Variants in TMCO4 observed in about 807,000 individuals in gnomAD.
TMCO4 encodes the protein transmembrane and coiled-coil domain-containing protein 4.
Under a neutral mutation model 64.7 loss-of-function variants are expected in TMCO4, and 58 were observed. The observed-to-expected ratio is 0.90, with a 90% CI of 0.73 to 1.12. The LOEUF (loss-of-function observed/expected upper bound fraction) is 1.12. TMCO4 is among the 50% of genes most tolerant of loss of function. The pLI is 0.00. For synonymous variants in TMCO4, 325 were observed against 346.1 expected (o/e 0.94, Z 0.68); for missense variants, 780 against 825.9 (o/e 0.94, Z 0.68).
Position 19,683,171 on chromosome 1 carries a change from C to T in TMCO4, c.1774G>A (p.Glu592Lys). Residue 592 changes from glutamate to lysine, a missense_variant, in exon 16 of 16, where the codon GAA becomes AAA. Glu to Lys is a moderately conservative substitution (Grantham distance 56). Coordinates refer to ENST00000294543, the MANE Select transcript of TMCO4 (RefSeq NM_181719.7). ...GCAGCAGCAGGAAGGGAGGCCCCTTCAGACTGGTCCAGCCCTACTGGCACC... is the reference window on the plus strand; with the variant it reads ...GCAGCAGCAGGAAGGGAGGCCCCTTTAGACTGGTCCAGCCCTACTGGCACC... ...AQVPVGLDQSEGASLPAAASP... is the reference protein window; with the variant it reads ...AQVPVGLDQSKGASLPAAASP... The T allele has an allele frequency of 1.2e-6, 2 of 1,614,230 alleles. No homozygotes were observed. Among genetic ancestry groups the T allele is most frequent in the Middle Eastern group, 1.6e-4 (1 of 6,062 alleles).
rs201255723 is a variant in TMCO4 at position 19,746,508 on chromosome 1, G to A, written c.705C>T (p.Ala235=). ...ACAGCGAGGTCATGATGGCTATGCCGGCTGCTGAGCCCAGAGCCGCTGCCC... is the reference window on the plus strand; with the variant it reads ...ACAGCGAGGTCATGATGGCTATGCCAGCTGCTGAGCCCAGAGCCGCTGCCC... The part of the protein sequence containing the change: ...SAGAAALGSA[A]GIAIMTSLFG... The change falls in exon 9 of 16, where the codon GCC becomes GCT. Residue 235 remains alanine (A), a synonymous_variant. Transcript: ENST00000294543. The A allele has an allele frequency of 2.5e-5, 41 of 1,612,482 alleles. No homozygotes were observed. In the African/African-American group the frequency reaches 3.6e-4, roughly 14 times the overall value.
At chr1:19,739,260 T>C (rs1359411502) in intron 12 of TMCO4, among the ~76,000 whole-genome samples, 2 of 152,212 alleles carry the variant, frequency 1.3e-5, no homozygotes, top group East Asian at 3.8e-4. Context: ...CTTTACTAGA[T>C]TCAAATTTTA....
At position 19,772,321 on chromosome 1, in the gene TMCO4, C is replaced by T. The variant is rs535176442; in HGVS notation, c.180-839G>A. On this transcript the variant is annotated intron_variant, in intron 4 of 15. Transcript: ENST00000294543. ...TGCCAAGGACGTGCTTTCTGGAAAA[C>T]GCTGGCTGCTGCAAAAGTGGAAGAA... 6.6e-5 allele frequency among the ~76,000 whole-genome samples: 10 copies of T among 152,308 alleles called. No homozygotes were observed. The South Asian group carries it at 1.0e-3, about 16-fold the overall frequency.
rs148557112 is a variant in TMCO4, at chr1:19,776,459, C to A, written c.179+4121G>T. On this transcript the variant is annotated intron_variant, in intron 4 of 15. Transcript: ENST00000294543. ...GCCTAGTATGGGCCTGGCACACAGT[C>A]CAGATTCATAAACATTTGTTCATGG... Among the ~76,000 whole-genome samples the A allele has an allele frequency of 3.6e-4, 55 of 152,296 alleles. 1 individual carries two copies. The East Asian group carries it at 8.7e-3, about 24-fold the overall frequency.
intron 14 of TMCO4, among the ~76,000 whole-genome samples, chr1:19,697,256 G>A (rs539764150): frequency 3.5e-4 from 53 of 152,234 alleles, no homozygotes; most frequent in African/African-American, 1.2e-3. Context: ...TCTCCACCCA[G>A]TACTATATAT....
chr1:19,721,541 C>A (rs1002303994), intron 13 of TMCO4, among the ~76,000 whole-genome samples: 1 of 152,108 alleles, frequency 6.6e-6, no homozygotes, highest in Non-Finnish European at 1.5e-5. Flanking sequence ...GTAATCCTAG[C>A]ACTTTGGGAG....
intron 13 of TMCO4, among the ~76,000 whole-genome samples, chr1:19,736,383 AG>A (rs2095454785): frequency 6.6e-6 from 1 of 152,302 alleles, no homozygotes; most frequent in Non-Finnish European, 1.5e-5. Context: ...CCACAATTCA[AG>A]ATGAGATTTG....
At position 19,754,602 on chromosome 1, in the gene TMCO4, G is replaced by A. The variant is rs531846733; in HGVS notation, c.515+1032C>T. Among the ~76,000 whole-genome samples the A allele has an allele frequency of 4.5e-4, 68 of 152,302 alleles. No individual in the cohort carries two copies. In the Middle Eastern group the frequency reaches 0.017, roughly 38 times the overall value. On this transcript the variant is annotated intron_variant, in intron 7 of 15. Transcript: ENST00000294543. ...TAAAAAAAACCCAGACCTGGGAGACGTGCCTGGTGCCAGGAGCCTGGGATT... is the reference window on the plus strand; with the variant it reads ...TAAAAAAAACCCAGACCTGGGAGACATGCCTGGTGCCAGGAGCCTGGGATT...
At chr1:19,763,093 T>G (rs1292181796) in intron 6 of TMCO4, among the ~76,000 whole-genome samples, 2 of 151,130 alleles carry the variant, frequency 1.3e-5, no homozygotes, top group African/African-American at 4.8e-5. Flanking sequence ...TTTTTTTTTT[T>G]GAGATGGAGT....
chr1:19,742,304 C>T (rs79066505), intron 10 of TMCO4, among the ~76,000 whole-genome samples: 188 of 152,316 alleles, frequency 1.2e-3, no homozygotes, highest in Non-Finnish European at 2.5e-3. Flanking sequence ...GTCTGCTTTG[C>T]CAAGCACTGT....
chr1:19,722,179 G>C (rs928942575), intron 13 of TMCO4, among the ~76,000 whole-genome samples: 5 of 152,212 alleles, frequency 3.3e-5, no homozygotes, highest in African/African-American at 1.2e-4. Context: ...GTTTGAACCA[G>C]ACGATTTCAA....
intron 10 of TMCO4, among the ~76,000 whole-genome samples, chr1:19,744,171 C>T (rs1178636715): frequency 4.6e-5 from 7 of 151,866 alleles, no homozygotes; most frequent in Admixed American, 6.6e-5. Context: ...TTAGGATTCC[C>T]GCACCCACCC....
rs193122225 is a variant in TMCO4, at chr1:19,749,815, A to G, written c.516-2555T>C. The stretch of plus-strand genomic sequence containing the variant: ...TGAATTCAAGCTACAGCCAATCTGC[A>G]ATGGACACAAAGTATGAACAAGAAA... On this transcript the variant is annotated intron_variant, in intron 7 of 15. Coordinates refer to ENST00000294543, the MANE Select transcript of TMCO4 (RefSeq NM_181719.7). Among the ~76,000 whole-genome samples, 9 of 152,362 alleles carry G rather than the reference A, an allele frequency of 5.9e-5. No individual in the cohort carries two copies. The East Asian group carries it at 1.3e-3, about 23-fold the overall frequency.
At chr1:19,714,352 C>T (rs796562821) in intron 13 of TMCO4, among the ~76,000 whole-genome samples, 34 of 152,066 alleles carry the variant, frequency 2.2e-4, no homozygotes, top group East Asian at 1.2e-3. Flanking sequence ...TTCAGATCTC[C>T]GTATTCTTTT....
Position 19,755,696 on chromosome 1 carries a change from C to T in TMCO4, c.453G>A (p.Glu151=). The stretch of plus-strand genomic sequence containing the variant: ...GGAACATCTCTTCAAGGACATCCAG[C>T]TCCTCCAAGGGCACTTGGAGCAGGG... ...MTSLLQVPLE[E]LDVLEEMFLE... Residue 151 remains glutamate, a synonymous_variant, in exon 7 of 16, where the codon GAG becomes GAA. Transcript: ENST00000294543. 6.2e-7 allele frequency: 1 copy of T among 1,614,152 alleles called. No individual in the cohort carries two copies. The highest frequency in any genetic ancestry group is 8.5e-7 in the Non-Finnish European group (1 of 1,180,032).
At chr1:19,740,963 G>T (rs200860958) in intron 10 of TMCO4, 22 bp from the exon 11 acceptor site, 48 of 1,582,914 alleles carry the variant, frequency 3.0e-5, no homozygotes, top group Non-Finnish European at 3.9e-5. Context: ...ACAGGTAGGT[G>T]AAGTCTCTCT....
intron 15 of TMCO4, among the ~76,000 whole-genome samples, chr1:19,685,483 A>G (rs2095139584): frequency 6.6e-6 from 1 of 152,206 alleles, no homozygotes; most frequent in Admixed American, 6.5e-5. Flanking sequence ...GTGAGCAACA[A>G]GTAGGGGTGT....
At chr1:19,768,820 G>C (rs1212810127) in intron 6 of TMCO4, among the ~76,000 whole-genome samples, 2 of 148,556 alleles carry the variant, frequency 1.3e-5, no homozygotes, top group Admixed American at 1.3e-4. Flanking sequence ...GCGGGTCTGG[G>C]CGGGGGCTGA....
intron 15 of TMCO4, among the ~76,000 whole-genome samples, chr1:19,687,186 A>G (rs1279231671): frequency 6.6e-6 from 1 of 152,284 alleles, no homozygotes; most frequent in Middle Eastern, 3.4e-3. Context: ...TCCCAACCTC[A>G]GGTGATCCGC....
Sources: gnomAD v4.1 joint callset for allele counts (sites outside exome capture counted in the v4.1 genomes callset) on GRCh38, gnomAD v4.1.1 for gene constraint, MANE v1.5 for transcripts, NCBI Gene and HGNC (gene_info 2026-07-23, HGNC 2026-07-21) for gene names.